The following HEXD variants were observed in gnomAD, a reference collection of about 807,000 sequenced individuals.
HEXD encodes hexosaminidase D.
In HEXD, 47 loss-of-function variants were observed where a neutral mutation model predicts 54.2. The ratio of observed to expected loss-of-function variants is 0.87; its 90% CI spans 0.69 to 1.11. HEXD has a LOEUF of 1.11. Ranked by LOEUF, HEXD falls within the 50% of genes least tolerant of loss-of-function variation. The pLI, the probability that HEXD is intolerant of heterozygous loss-of-function variation, is 0.00. For synonymous variants in HEXD, 293 were observed against 287.6 expected (o/e 1.02, Z -0.19); for missense variants, 576 against 649.2 (o/e 0.89, Z 1.23).
At chr17:82,440,405 A>G in intron 9 of HEXD, 1 of 932,454 alleles carries the variant, frequency 1.1e-6, no homozygotes, top group Non-Finnish European at 1.4e-6. Flanking sequence ...AAAGGGGCAG[A>G]AACGATAAAA....
chr17:82,431,744 G>A (rs536626790), intron 4 of HEXD, among the ~76,000 whole-genome samples: 1 of 152,238 alleles, frequency 6.6e-6, no homozygotes, highest in East Asian at 1.9e-4. Flanking sequence ...TATATTCATA[G>A]TAGTTTTCTT....
intron 2 of HEXD, among the ~76,000 whole-genome samples, chr17:82,422,361 G>T (rs2053260262): frequency 6.6e-6 from 1 of 151,666 alleles, no homozygotes; most frequent in South Asian, 2.1e-4. Flanking sequence ...GCCAGGCTCA[G>T]CGGCTCACAA....
At chr17:82,437,940 A>G (rs1195459467) in intron 8 of HEXD, among the ~76,000 whole-genome samples, 1 of 152,174 alleles carries the variant, frequency 6.6e-6, no homozygotes, top group Non-Finnish European at 1.5e-5. Flanking sequence ...GTGTGACAGA[A>G]TTTATTACTC....
intron 2 of HEXD, among the ~76,000 whole-genome samples, chr17:82,422,166 CAAA>C (rs767984716): frequency 9.1e-5 from 6 of 65,920 alleles, no homozygotes; most frequent in East Asian, 4.3e-4. Context: ...GACTCTGTCT[CAAA>C]AAAAAAAAAA....
At chr17:82,441,109 TCCCCTCCCCTTC>T in intron 10 of HEXD, 34 bp downstream of exon 10, 1 of 1,613,274 alleles carries the variant, frequency 6.2e-7, no homozygotes, top group South Asian at 1.1e-5. Flanking sequence ...GTCCCCTTCT[TCCCCTCCCCTTC>T]CCCCGCCCGT....
intron 3 of HEXD, among the ~76,000 whole-genome samples, chr17:82,427,515 AATGAGATAATCAGGTGCG>A (rs1353471597): frequency 6.6e-6 from 1 of 152,244 alleles, no homozygotes; most frequent in East Asian, 1.9e-4. Context: ...GTTGGCCTGC[AATGAGATAATCAGGTGCG>A]ATGAGATGAT....
chr17:82,440,917 C>A, intron 9 of HEXD, 80 bp from the exon 10 acceptor site: 1 of 1,510,214 alleles, frequency 6.6e-7, no homozygotes, highest in Non-Finnish European at 9.2e-7. Flanking sequence ...TGCCCCAGTA[C>A]CTAGGCCTGC....
rs867917831 is a variant in HEXD, at chr17:82,418,613, G to T, written c.-179G>T. On this transcript the variant is annotated 5_prime_UTR_variant, in exon 1 of 13. Transcript: ENST00000327949. ...CGACGCGCTCGGCCATCGGCCCCTG[G>T]GCTGGCGGCCAGGCCCGAGCAATCG... The T allele has an allele frequency of 1.6e-5, 6 of 371,242 alleles. No individual in the cohort carries two copies. The highest frequency in any genetic ancestry group is 2.6e-5 in the Non-Finnish European group (6 of 231,712). 23.0% of individuals were successfully genotyped at this position (371,242 alleles called of 1,614,324 possible).
Position 82,442,311 on chromosome 17 carries a change from AG to A in HEXD, c.1390del (p.Asp464ThrfsTer93). 1 of 1,610,010 alleles carries A rather than the reference AG, an allele frequency of 6.2e-7. No homozygotes were observed. Among genetic ancestry groups the A allele is most frequent in the Non-Finnish European group, 8.5e-7 (1 of 1,179,914 alleles). ...PSLQRLQALL[Q>X]DLSEVSAPPL... is the part of the protein sequence containing the mutation. ...CTGCAGCGGCTGCAAGCTCTGCTGC[AG>A]GACCTCAGCGAGGTGTCTGCCCCCC... On this transcript the variant is annotated frameshift_variant, in exon 13 of 13. Coordinates refer to ENST00000327949, the MANE Select transcript of HEXD (RefSeq NM_001330542.2). LOFTEE classifies it low-confidence loss of function (END_TRUNC). This position sits in a 1 kb window ranked among gnomAD's most constrained non-coding sequence, Gnocchi z 6.8.
intron 10 of HEXD, 25 bp downstream of exon 10, chr17:82,441,100 TC>T (rs2053933739): frequency 6.2e-7 from 1 of 1,613,534 alleles, no homozygotes; most frequent in Middle Eastern, 1.6e-4. Context: ...GCCCTCCCTG[TC>T]CCCTTCTTCC....
intron 9 of HEXD, chr17:82,440,378 G>C: frequency 8.9e-7 from 1 of 1,127,450 alleles, no homozygotes; most frequent in Non-Finnish European, 1.1e-6. Context: ...CTCAGTTGCT[G>C]ACTCTCAACT....
rs775131565 is a variant in HEXD, at chr17:82,424,552, G to C, written c.194+49G>C. On this transcript the variant is annotated intron_variant, in intron 3 of 12. Coordinates refer to ENST00000327949, the MANE Select transcript of HEXD (RefSeq NM_001330542.2). ...AGGGGCGCGGCGTGAAAGCGGGGAA[G>C]GGGGGGTTCCGCAGGGCAGGAGGAG... 2.9e-6 allele frequency: 4 copies of C among 1,371,978 alleles called. No individual in the cohort carries two copies. In the African/African-American group the frequency reaches 4.3e-5, roughly 15 times the overall value. 85.0% of individuals were successfully genotyped at this position (1,371,978 alleles called of 1,614,324 possible).
At position 82,418,610 on chromosome 17, in the gene HEXD, C is replaced by G; in HGVS notation, c.-182C>G. On this transcript the variant is annotated 5_prime_UTR_variant, in exon 1 of 13. Coordinates refer to ENST00000327949, the MANE Select transcript of HEXD (RefSeq NM_001330542.2). ...GTGCGACGCGCTCGGCCATCGGCCCCTGGGCTGGCGGCCAGGCCCGAGCAA... is the reference window on the plus strand; with the variant it reads ...GTGCGACGCGCTCGGCCATCGGCCCGTGGGCTGGCGGCCAGGCCCGAGCAA... 2.6e-6 allele frequency: 1 copy of G among 387,968 alleles called. No individual in the cohort carries two copies. Among genetic ancestry groups the G allele is most frequent in the Non-Finnish European group, 4.1e-6 (1 of 245,036 alleles). The allele number at this position is 387,968 out of a possible 1,614,324, so 24.0% of individuals were successfully genotyped here. A position where few individuals can be genotyped will look rare whatever the true frequency, so the allele number is the denominator to read the frequency against.
chr17:82,440,601 G>A (rs2053905758), intron 9 of HEXD: 1 of 324,306 alleles, frequency 3.1e-6, no homozygotes, highest in Non-Finnish European at 5.8e-6. Context: ...GCTGGTGCCT[G>A]CAGGCCTCAT....
chr17:82,433,945 C>G (rs892417532), intron 5 of HEXD, 123 bp downstream of exon 5: 5 of 896,100 alleles, frequency 5.6e-6, no homozygotes, highest in Non-Finnish European at 8.1e-6. Context: ...CTCAGGGCAC[C>G]CCATCCAACA....
At position 82,418,756 on chromosome 17, in the gene HEXD, G is replaced by T. The variant is rs529122732; in HGVS notation, c.-52+16G>T. 100 of 153,318 alleles carry T rather than the reference G, an allele frequency of 6.5e-4. No individual in the cohort carries two copies. The highest frequency in any genetic ancestry group is 9.8e-4 in the Admixed American group (15 of 15,314). 9.5% of individuals were successfully genotyped at this position (153,318 alleles called of 1,614,324 possible). ...GGCGGCGCAGGTGAGGTGCGGGTGC[G>T]GCTCTGGCTCTGCGCGCTAGGCCGG... On this transcript the variant is annotated intron_variant, in intron 1 of 12. Coordinates refer to ENST00000327949, the MANE Select transcript of HEXD (RefSeq NM_001330542.2).
In HEXD at chr17:82,441,815, G is replaced by GT. The variant is rs2053986309; in HGVS notation, c.1181dup (p.Ser395GlnfsTer149). 1 of 1,613,070 alleles carries GT rather than the reference G, an allele frequency of 6.2e-7. No homozygotes were observed. Among genetic ancestry groups the GT allele is most frequent in the Non-Finnish European group, 8.5e-7 (1 of 1,179,974 alleles). Reference sequence around the variant, plus strand: ...TTTGCCCCAGGTATGTCACTGGCTGGTTCAGCCCCTACCACCGCCAGCGGA... The same window carrying GT: ...TTTGCCCCAGGTATGTCACTGGCTGGTTTCAGCCCCTACCACCGCCAGCGGA... On this transcript the variant is annotated frameshift_variant, in exon 12 of 13. Transcript: ENST00000327949. LOFTEE classifies it high-confidence loss of function.
intron 4 of HEXD, among the ~76,000 whole-genome samples, chr17:82,431,951 G>A (rs1234377315): frequency 1.3e-5 from 2 of 152,196 alleles, no homozygotes; most frequent in African/African-American, 4.8e-5. Flanking sequence ...TCTAGCAAAT[G>A]GCCTGCATTT....
At chr17:82,439,974 G>A (rs1387058919) in intron 9 of HEXD, 17 of 1,470,622 alleles carry the variant, frequency 1.2e-5, no homozygotes, top group East Asian at 8.4e-5. Flanking sequence ...CAGTGAATCC[G>A]CAGAAATGCA....
Sources: allele counts gnomAD v4.1 joint callset (sites outside exome capture counted in the v4.1 genomes callset), GRCh38; gene constraint gnomAD v4.1.1; non-coding constraint Gnocchi (gnomAD v3.1); transcripts MANE v1.5; gene names NCBI Gene and HGNC (gene_info 2026-07-23, HGNC 2026-07-21).